RIMS2: variants seen among roughly 807,000 people sequenced by gnomAD.
RIMS2 encodes the protein regulating synaptic membrane exocytosis 2.
RIMS2 carries 59 observed loss-of-function variants against 174.4 expected under a neutral mutation model. The observed-to-expected ratio is 0.34, with a 90% confidence interval of 0.27 to 0.42. RIMS2 has a LOEUF of 0.42. RIMS2 is among the 10% of genes least tolerant of loss of function. The pLI is 1.00. For missense variants in RIMS2, 1,620 were observed against 1,666.3 expected (o/e 0.97, Z 0.48); for synonymous variants, 606 against 572.5 (o/e 1.06, Z -0.84).
chr8:103,562,952 G>A (rs976655131), intron 1 of RIMS2, among the ~76,000 whole-genome samples: 5 of 152,150 alleles, frequency 3.3e-5, no homozygotes, highest in African/African-American at 1.2e-4. Context: ...CCGTACCTTG[G>A]CCCCTTTTAG....
intron 1 of RIMS2, among the ~76,000 whole-genome samples, chr8:103,609,710 C>T (rs757340183): frequency 7.9e-5 from 12 of 152,104 alleles, no homozygotes; most frequent in African/African-American, 2.2e-4. Flanking sequence ...TCTTTGTAAC[C>T]GTTCCATGCT....
intron 19 of RIMS2, among the ~76,000 whole-genome samples, chr8:104,047,272 ATAT>A (rs2096711550): frequency 1.3e-5 from 2 of 152,220 alleles, no homozygotes; most frequent in South Asian, 4.1e-4. Context: ...TAAATTATTA[ATAT>A]ATTACTCATA....
In RIMS2 at chr8:103,783,323, GGTTA is replaced by G. The variant is rs574989570; in HGVS notation, c.698+16791_698+16794del. Among the ~76,000 whole-genome samples, 202 of 149,752 alleles carry G rather than the reference GGTTA, an allele frequency of 1.3e-3. 2 individuals are homozygous for G. The highest frequency in any genetic ancestry group is 4.5e-3 in the African/African-American group (182 of 40,682). ...TTAGGGTACATGTGCACATTGTGCAGGTTAGTTACATATGTATACATGTGCCATG... is the reference window on the plus strand; with the variant it reads ...TTAGGGTACATGTGCACATTGTGCAGGTTACATATGTATACATGTGCCATG... On this transcript the variant is annotated intron_variant, in intron 3 of 23. Coordinates refer to ENST00000504942, the Ensembl canonical transcript of RIMS2.
At chr8:103,850,485 A>AAACTGTCT (rs1351923231) in intron 3 of RIMS2, among the ~76,000 whole-genome samples, 2 of 152,106 alleles carry the variant, frequency 1.3e-5, no homozygotes, top group East Asian at 1.9e-4. Context: ...GCTGCTAAAT[A>AAACTGTCT]AACTGTCTGA....
chr8:103,885,759 G>T lies in RIMS2; in HGVS notation c.1160G>T (p.Arg387Met), dbSNP rs2099196999. ...GAAGATTCCAGGATTTCTATGCTAA[G>T]GATGGATCGACCATCAAGGCAAAGA... The change falls in exon 4 of 24, where the codon AGG becomes ATG. Residue 387 changes from arginine (R) to methionine (M), a missense_variant. Arg to Met is a moderately conservative substitution (Grantham distance 91). Around this residue, in one of 2 missense-constraint regions of RIMS2, gnomAD observed 1,395 missense variants for 1,360.1 expected, o/e 1.03. Transcript: ENST00000504942. The T allele has an allele frequency of 5.6e-6, 9 of 1,612,834 alleles. No homozygotes were observed. In the South Asian group the frequency reaches 9.9e-5, roughly 18 times the overall value.
chr8:103,599,312 C>G (rs1205555564), intron 1 of RIMS2, among the ~76,000 whole-genome samples: 2 of 150,164 alleles, frequency 1.3e-5, no homozygotes, highest in Non-Finnish European at 3.0e-5. Context: ...AGGGAACTGT[C>G]CAAGGTATCA....
At chr8:103,511,043 T>C (rs1380012777) in intron 1 of RIMS2, among the ~76,000 whole-genome samples, 1 of 152,206 alleles carries the variant, frequency 6.6e-6, no homozygotes, top group African/African-American at 2.4e-5. Flanking sequence ...AATATTTTAC[T>C]ATATATGTTG....
intron 1 of RIMS2, among the ~76,000 whole-genome samples, chr8:103,596,947 A>C (rs923061596): frequency 1.3e-5 from 2 of 152,080 alleles, no homozygotes; most frequent in Admixed American, 6.6e-5. Flanking sequence ...TCCCCACAAT[A>C]TGAATCTTAA....
intron 6 of RIMS2, among the ~76,000 whole-genome samples, chr8:103,913,036 G>A (rs575846646): frequency 7.0e-6 from 1 of 142,616 alleles, no homozygotes; most frequent in Admixed American, 7.3e-5. Context: ...GCAGTGGCAT[G>A]ATCTCGGGTC....
intron 1 of RIMS2, among the ~76,000 whole-genome samples, chr8:103,569,911 G>A (rs1336654717): frequency 6.6e-6 from 1 of 151,988 alleles, no homozygotes; most frequent in Non-Finnish European, 1.5e-5. Flanking sequence ...GGGATTATAG[G>A]TGTGAGTCAC....
chr8:104,014,604 C>T lies in RIMS2; in HGVS notation c.3323C>T (p.Thr1108Met). Residue 1108 changes from threonine (T) to methionine (M), a missense_variant, in exon 19 of 24, where the codon ACG (threonine) becomes ATG (methionine). By Grantham distance (81) the Thr-to-Met change is moderately conservative (BLOSUM62 -1). Coordinates refer to ENST00000504942, the Ensembl canonical transcript of RIMS2. ...CTTCCACAGCTTCCACCAAAGGGAA[C>T]GTTGGATAGAAGTAAGTTTTATTTC... 1.2e-6 allele frequency: 2 copies of T among 1,604,616 alleles called. No individual in the cohort carries two copies. Among genetic ancestry groups the T allele is most frequent in the Non-Finnish European group, 8.5e-7 (1 of 1,171,702 alleles).
chr8:104,142,903 G>T (rs775138999), intron 19 of RIMS2, among the ~76,000 whole-genome samples: 7 of 152,094 alleles, frequency 4.6e-5, no homozygotes, highest in Non-Finnish European at 1.0e-4. Context: ...TACAGTACTT[G>T]CAATAATGTT....
At position 103,554,386 on chromosome 8, in the gene RIMS2, G is replaced by A. The variant is rs573630604; in HGVS notation, c.176+53324G>A. Among the ~76,000 whole-genome samples, 18 of 152,258 alleles carry A rather than the reference G, an allele frequency of 1.2e-4. No homozygotes were observed. In the East Asian group the frequency reaches 3.1e-3, roughly 26 times the overall value. Reference sequence around the variant, plus strand: ...CCATTAAAAAGTGGGCAAAGGACATGAACAGATGCTTTTCAAAAGATGACA... The same window carrying A: ...CCATTAAAAAGTGGGCAAAGGACATAAACAGATGCTTTTCAAAAGATGACA... On this transcript the variant is annotated intron_variant, in intron 1 of 23. Transcript: ENST00000504942.
chr8:103,594,318 A>T (rs1391005692), intron 1 of RIMS2, among the ~76,000 whole-genome samples: 9 of 151,638 alleles, frequency 5.9e-5, no homozygotes, highest in Non-Finnish European at 1.2e-4. Context: ...GTAATCTAGC[A>T]TTCTCAAGAC....
chr8:103,768,746 ATG>A lies in RIMS2; in HGVS notation c.698+2211_698+2212del, dbSNP rs2098211958. 4 of 760,050 alleles carry A rather than the reference ATG, an allele frequency of 5.3e-6. No individual in the cohort carries two copies. The East Asian group carries it at 9.9e-5, about 19-fold the overall frequency. The allele number at this position is 760,050 out of a possible 1,614,324, so 47.1% of individuals were successfully genotyped here. ...TCTAAAGAAGATGATGTCCACCAGTATGTTGTAAGAAAGCCTTTAAACAAAGA... is the reference window on the plus strand; with the variant it reads ...TCTAAAGAAGATGATGTCCACCAGTATTGTAAGAAAGCCTTTAAACAAAGA... On this transcript the variant is annotated intron_variant, in intron 3 of 23. Coordinates refer to ENST00000504942, the Ensembl canonical transcript of RIMS2.
At chr8:104,251,991 TAAA>T, downstream of RIMS2, 1 of 603,000 alleles carries the variant, frequency 1.7e-6, no homozygotes, top group Non-Finnish European at 2.9e-6. Context: ...CATTGTGCCC[TAAA>T]GAAGGCCCTC....
intron 17 of RIMS2, among the ~76,000 whole-genome samples, chr8:103,996,106 G>A (rs1360133574): frequency 1.3e-5 from 2 of 151,880 alleles, no homozygotes; most frequent in African/African-American, 4.8e-5. Context: ...GAAATTAGAA[G>A]GGACTTTAGA....
At chr8:103,727,739 C>T (rs2097542112) in intron 2 of RIMS2, among the ~76,000 whole-genome samples, 1 of 152,120 alleles carries the variant, frequency 6.6e-6, no homozygotes, top group African/African-American at 2.4e-5. Flanking sequence ...TCAAAAATAA[C>T]TTCACTGTCG....
chr8:103,724,998 GA>G (rs1345289471), intron 2 of RIMS2, among the ~76,000 whole-genome samples: 2 of 152,072 alleles, frequency 1.3e-5, no homozygotes, highest in African/African-American at 4.8e-5. Flanking sequence ...ACTGCCTGTA[GA>G]AAATATTTCA....
Sources: gnomAD v4.1 joint callset for allele counts (sites outside exome capture counted in the v4.1 genomes callset) on GRCh38, gnomAD v4.1.1 for gene constraint, gnomAD v4.1.1 regional missense constraint, MANE v1.5 for transcripts, NCBI Gene and HGNC (gene_info 2026-07-23, HGNC 2026-07-21) for gene names.